Variants in CEMIP observed in about 807,000 individuals in gnomAD.
CEMIP encodes the protein cell migration inducing hyaluronidase 1.
CEMIP carries 105 observed loss-of-function variants against 156.9 expected under a neutral mutation model. The ratio of observed to expected loss-of-function variants is 0.67; its 90% confidence interval spans 0.57 to 0.79. The LOEUF (loss-of-function observed/expected upper bound fraction) is 0.79, where lower values mean the gene tolerates loss of function less well. CEMIP is among the 30% of genes least tolerant of loss of function. The pLI is 0.00. For missense variants in CEMIP, 1,457 were observed against 1,769.4 expected (o/e 0.82, Z 3.17); for synonymous variants, 676 against 668.4 (o/e 1.01, Z -0.17).
At chr15:80,794,702 G>A (rs564774883) in intron 1 of CEMIP, among the ~76,000 whole-genome samples, 4 of 152,192 alleles carry the variant, frequency 2.6e-5, no homozygotes, top group African/African-American at 7.2e-5. Context: ...ATCTCAATTC[G>A]GACCTGCCAT....
intron 1 of CEMIP, among the ~76,000 whole-genome samples, chr15:80,811,353 A>G (rs1896668015): frequency 6.6e-6 from 1 of 152,178 alleles, no homozygotes; most frequent in Admixed American, 6.5e-5. Context: ...TATGAGGGTG[A>G]CATTTTTCCA....
intron 1 of CEMIP, among the ~76,000 whole-genome samples, chr15:80,795,286 G>T (rs1489590572): frequency 1.3e-5 from 2 of 152,052 alleles, no homozygotes; most frequent in East Asian, 3.9e-4. Flanking sequence ...CTCTCTGTCT[G>T]GGTAGGTGGG....
At chr15:80,830,117 G>C (rs1460840370) in intron 1 of CEMIP, among the ~76,000 whole-genome samples, 2 of 152,116 alleles carry the variant, frequency 1.3e-5, no homozygotes, top group African/African-American at 4.8e-5. Flanking sequence ...ATGACTCCTT[G>C]TCTCACAATT....
intron 27 of CEMIP, 65 bp from the exon 28 acceptor site, chr15:80,942,880 C>A: frequency 1.3e-6 from 2 of 1,598,462 alleles, no homozygotes; most frequent in South Asian, 2.2e-5. Context: ...TTGGGAACCA[C>A]CTGGGCAGGA....
chr15:80,835,237 AGCT>A (rs1432284985), intron 1 of CEMIP, among the ~76,000 whole-genome samples: 1 of 152,150 alleles, frequency 6.6e-6, no homozygotes, highest in African/African-American at 2.4e-5. Context: ...GGCCCTATGA[AGCT>A]ACTCCAAGTT....
chr15:80,790,914 A>G (rs1004683616), intron 1 of CEMIP, among the ~76,000 whole-genome samples: 2 of 152,178 alleles, frequency 1.3e-5, no homozygotes, highest in Admixed American at 1.3e-4. Context: ...CCTACAATCC[A>G]TGCTGTAACA....
At position 80,924,811 on chromosome 15, in the gene CEMIP, T is replaced by C. The variant is rs1330902497; in HGVS notation, c.2288+105T>C. The C allele has an allele frequency of 4.8e-6, 5 of 1,036,138 alleles. 1 individual carries two copies. In the East Asian group the frequency reaches 1.2e-4, roughly 26 times the overall value. 64.2% of individuals were successfully genotyped at this position (1,036,138 alleles called of 1,614,324 possible). On this transcript the variant is annotated intron_variant, in intron 18 of 29. Coordinates refer to ENST00000394685, the MANE Select transcript of CEMIP (RefSeq NM_001293298.2). The stretch of plus-strand genomic sequence containing the variant: ...CATTCCCTGAGCATCTGTTGAGCCC[T>C]TGCTTTGTGCTGGGCTTTGAGCTAG...
chr15:80,873,790 T>C, intron 2 of CEMIP, 74 bp from the exon 3 acceptor site: 3 of 1,051,370 alleles, frequency 2.9e-6, no homozygotes, highest in Non-Finnish European at 4.3e-6. Context: ...GCTCTGTTTA[T>C]CTCCATGTCG....
intron 19 of CEMIP, among the ~76,000 whole-genome samples, chr15:80,926,945 C>T (rs1251466726): frequency 1.3e-5 from 2 of 151,880 alleles, no homozygotes; most frequent in Non-Finnish European, 2.9e-5. Context: ...ATTCTCCTGC[C>T]TCAGCCTCCC....
At chr15:80,824,620 AG>A (rs1896988741) in intron 1 of CEMIP, among the ~76,000 whole-genome samples, 1 of 152,126 alleles carries the variant, frequency 6.6e-6, no homozygotes, top group South Asian at 2.1e-4. Context: ...CTCTATTTGG[AG>A]GGGAGGGGGC....
At position 80,933,315 on chromosome 15, in the gene CEMIP, C is replaced by T; in HGVS notation, c.2864C>T (p.Thr955Ile). 1.2e-6 allele frequency: 2 copies of T among 1,614,220 alleles called. No homozygotes were observed. The highest frequency in any genetic ancestry group is 1.7e-6 in the Non-Finnish European group (2 of 1,180,030). ...FNQLDMDGDK[T>I]SVFHDVDGSV... is the part of the protein sequence containing the mutation. Reference sequence around the variant, plus strand: ...CAGCTGGACATGGATGGGGATAAGACATCTGTGTTCCATGACGTCGACGGC... The same window carrying T: ...CAGCTGGACATGGATGGGGATAAGATATCTGTGTTCCATGACGTCGACGGC... Residue 955 changes from threonine (T) to isoleucine (I), a missense_variant, in exon 23 of 30, where the codon ACA becomes ATA. By Grantham distance (89) the Thr-to-Ile change is moderately conservative (BLOSUM62 -1). Transcript: ENST00000394685.
At chr15:80,885,082 C>T (rs2141836449) in intron 7 of CEMIP, among the ~76,000 whole-genome samples, 1 of 152,282 alleles carries the variant, frequency 6.6e-6, no homozygotes, top group African/African-American at 2.4e-5. Flanking sequence ...TGCCCCTCGC[C>T]CCTGCCAAGC....
At chr15:80,794,758 G>A (rs919839691) in intron 1 of CEMIP, among the ~76,000 whole-genome samples, 20 of 149,782 alleles carry the variant, frequency 1.3e-4, no homozygotes, top group African/African-American at 3.7e-4. Flanking sequence ...AACAGTGTAG[G>A]TCTAGGGAGA....
At chr15:80,864,972 G>A (rs1053074785) in intron 1 of CEMIP, among the ~76,000 whole-genome samples, 1 of 152,036 alleles carries the variant, frequency 6.6e-6, no homozygotes, top group African/African-American at 2.4e-5. Context: ...ATACCACCGT[G>A]AGAACTGTCA....
At chr15:80,800,789 C>T (rs1387190847) in intron 1 of CEMIP, among the ~76,000 whole-genome samples, 1 of 152,122 alleles carries the variant, frequency 6.6e-6, no homozygotes, top group Non-Finnish European at 1.5e-5. Flanking sequence ...TTTCAGTACT[C>T]GATGTAGGGG....
rs753211103 is a variant in CEMIP at position 80,880,956 on chromosome 15, G to A, written c.437G>A (p.Gly146Asp). The A allele has an allele frequency of 1.2e-6, 2 of 1,614,232 alleles. No individual in the cohort carries two copies. Among genetic ancestry groups the A allele is most frequent in the South Asian group, 2.2e-5 (2 of 91,086 alleles). ...TATGGTCTGAAGTACATTGGGGTTG[G>A]TAAAGGAGGCGCTCTTGAGTTGCAT... ...PYYGLKYIGV[G>D]KGGALELHGQ... The change falls in exon 6 of 30, where the codon GGT (glycine) becomes GAT (aspartate). Residue 146 changes from glycine (G) to aspartate (D), a missense_variant. Gly to Asp is a moderately conservative substitution (Grantham distance 94, BLOSUM62 -1). Around this residue, in one of 5 missense-constraint regions of CEMIP, gnomAD observed 309 missense variants for 340.8 expected, o/e 0.91. Transcript: ENST00000394685.
intron 14 of CEMIP, among the ~76,000 whole-genome samples, chr15:80,919,588 C>A (rs1900397291): frequency 6.6e-6 from 1 of 152,138 alleles, no homozygotes; most frequent in African/African-American, 2.4e-5. Flanking sequence ...CCAAGGCGGG[C>A]GGATCATGAG....
chr15:80,863,963 C>A (rs1263455365), intron 1 of CEMIP, among the ~76,000 whole-genome samples: 1 of 152,164 alleles, frequency 6.6e-6, no homozygotes, highest in Non-Finnish European at 1.5e-5. Flanking sequence ...CCTCCCCTCT[C>A]TTCTCCCTTT....
In CEMIP at chr15:80,942,972, G is replaced by T; in HGVS notation, c.3727G>T (p.Glu1243Ter). 1 of 1,614,222 alleles carries T rather than the reference G, an allele frequency of 6.2e-7. No homozygotes were observed. The highest frequency in any genetic ancestry group is 8.5e-7 in the Non-Finnish European group (1 of 1,180,046). ...GGATGGGAAGAAGTACCCCAGTTCG[G>T]AGGATGGCATCCAGGTGGTGGTGAT... ...EVDGKKYPSS[E>*]DGIQVVVIDG... The change falls in exon 28 of 30, where the codon GAG becomes TAG. Residue 1243 changes from glutamate to a stop codon, truncating the protein, a stop_gained. Transcript: ENST00000394685. LOFTEE classifies it high-confidence loss of function.
Sources: gnomAD v4.1 joint callset for allele counts (sites outside exome capture counted in the v4.1 genomes callset) on GRCh38, gnomAD v4.1.1 for gene constraint, gnomAD v4.1.1 regional missense constraint, MANE v1.5 for transcripts, NCBI Gene and HGNC (gene_info 2026-07-23, HGNC 2026-07-21) for gene names.